DMRT1: variants seen among roughly 807,000 people sequenced by gnomAD.
The protein encoded by DMRT1 is doublesex- and mab-3-related transcription factor 1.
A neutral mutation model predicts 32.3 loss-of-function variants in DMRT1; 7 were observed. The ratio of observed to expected loss-of-function variants is 0.22; its 90% CI spans 0.12 to 0.41. The LOEUF (loss-of-function observed/expected upper bound fraction) is 0.41. Among genes scored for constraint, DMRT1 ranks in the 10% least tolerant of loss-of-function variants. The probability of loss-of-function intolerance (pLI) is 1.00; values close to 1 mark genes in which losing one functional copy is unlikely to be tolerated. For synonymous variants in DMRT1, 278 were observed against 206.1 expected (o/e 1.35, Z -2.99); for missense variants, 625 against 500.5 (o/e 1.25, Z -2.37).
intron 3 of DMRT1, among the ~76,000 whole-genome samples, chr9:909,215 C>T (rs1444983046): frequency 6.6e-6 from 1 of 152,106 alleles, no homozygotes; most frequent in Non-Finnish European, 1.5e-5. Flanking sequence ...CGGGTTTTCG[C>T]TGTGGGAATC....
At chr9:871,753 C>T (rs372455178) in intron 2 of DMRT1, among the ~76,000 whole-genome samples, 22 of 151,306 alleles carry the variant, frequency 1.5e-4, no homozygotes, top group Admixed American at 7.9e-4. Flanking sequence ...GGATTACAGG[C>T]GTGAGCAACC....
At chr9:851,139 C>A (rs1052937524) in intron 2 of DMRT1, among the ~76,000 whole-genome samples, 1 of 151,942 alleles carries the variant, frequency 6.6e-6, no homozygotes. Flanking sequence ...AACCTACCAA[C>A]CTGGCACACC....
intron 2 of DMRT1, among the ~76,000 whole-genome samples, chr9:861,049 T>A (rs56372040): frequency 0.21 from 26,334 of 124,786 alleles, 2,595 homozygotes; most frequent in East Asian, 0.43. Flanking sequence ...TAATTTACTT[T>A]CTTTTTTTTT....
At chr9:863,425 A>G (rs1815818332) in intron 2 of DMRT1, among the ~76,000 whole-genome samples, 1 of 151,916 alleles carries the variant, frequency 6.6e-6, no homozygotes, top group Non-Finnish European at 1.5e-5. Flanking sequence ...GGCTTGACAG[A>G]GACTTGACCT....
intron 4 of DMRT1, among the ~76,000 whole-genome samples, chr9:959,188 C>G (rs527925896): frequency 2.0e-5 from 3 of 151,876 alleles, no homozygotes; most frequent in Non-Finnish European, 2.9e-5. Context: ...CCCAGCCTGC[C>G]TTCGTTACTG....
rs561870089 is a variant in DMRT1 at position 849,229 on chromosome 9, C to A, written c.538+2086C>A. 6.6e-5 allele frequency among the ~76,000 whole-genome samples: 10 copies of A among 152,280 alleles called. No individual in the cohort carries two copies. In the South Asian group the frequency reaches 2.1e-3, roughly 32 times the overall value. ...CTGGTTCCAAAACCTATGGATTTCC[C>A]ATTCTACTTAACTGGGACCAGTTGC... is the stretch of plus-strand genomic sequence containing the variant. On this transcript the variant is annotated intron_variant, in intron 2 of 4. Coordinates refer to ENST00000382276, the MANE Select transcript of DMRT1 (RefSeq NM_021951.3).
intron 4 of DMRT1, among the ~76,000 whole-genome samples, chr9:954,493 T>C (rs1325366744): frequency 2.0e-5 from 3 of 152,048 alleles, no homozygotes; most frequent in African/African-American, 7.2e-5. Context: ...GGTGGAGTAG[T>C]CTTAAGCTTC....
At chr9:889,664 A>AT (rs769968161) in intron 2 of DMRT1, among the ~76,000 whole-genome samples, 30 of 152,210 alleles carry the variant, frequency 2.0e-4, no homozygotes, top group Non-Finnish European at 3.8e-4. Flanking sequence ...GCCTGATAAA[A>AT]GGTTCAGATT....
chr9:842,376 A>T, intron 1 of DMRT1, 184 bp downstream of exon 1: 1 of 733,820 alleles, frequency 1.4e-6, no homozygotes, highest in East Asian at 2.7e-5. Flanking sequence ...CTGGGACTAC[A>T]GGCGCACACC....
In DMRT1 at chr9:917,495, C is replaced by G. The variant is rs1304275976; in HGVS notation, c.967+588C>G. Among the ~76,000 whole-genome samples, 3 of 152,306 alleles carry G rather than the reference C, an allele frequency of 2.0e-5. No homozygotes were observed. The East Asian group carries it at 5.8e-4, about 29-fold the overall frequency. ...ATTTTAACATCCCCCAGCATTTTCA[C>G]TGTGGTGAGAGGCAGGTCTTTACAG... On this transcript the variant is annotated intron_variant, in intron 4 of 4. Transcript: ENST00000382276.
chr9:921,113 T>C (rs1818338975), intron 4 of DMRT1, among the ~76,000 whole-genome samples: 1 of 152,142 alleles, frequency 6.6e-6, no homozygotes. Flanking sequence ...CCGTCACCTC[T>C]ATCTGATTGC....
At chr9:883,593 C>A (rs1816814927) in intron 2 of DMRT1, among the ~76,000 whole-genome samples, 1 of 151,348 alleles carries the variant, frequency 6.6e-6, no homozygotes, top group African/African-American at 2.4e-5. Flanking sequence ...GAATTTGAGA[C>A]CAGCCTGGGC....
chr9:851,282 A>T (rs1014395182), intron 2 of DMRT1, among the ~76,000 whole-genome samples: 1 of 152,052 alleles, frequency 6.6e-6, no homozygotes, highest in African/African-American at 2.4e-5. Flanking sequence ...TCTATCGCCC[A>T]GGCTGGAGTG....
chr9:857,911 A>T (rs954532506), intron 2 of DMRT1, among the ~76,000 whole-genome samples: 2 of 151,424 alleles, frequency 1.3e-5, no homozygotes, highest in Admixed American at 6.6e-5. Context: ...TTTGCTGAGA[A>T]TGATGGTTTC....
chr9:904,678 C>T (rs1356197434), intron 3 of DMRT1, among the ~76,000 whole-genome samples: 2 of 152,200 alleles, frequency 1.3e-5, no homozygotes, highest in Non-Finnish European at 2.9e-5. Flanking sequence ...GGTGCTATGG[C>T]TCACGCCTGT....
chr9:844,219 T>C (rs1589438615), intron 1 of DMRT1, among the ~76,000 whole-genome samples: 1 of 152,234 alleles, frequency 6.6e-6, no homozygotes, highest in Admixed American at 6.5e-5. Flanking sequence ...CAGTATTTTC[T>C]ACACCAGAAG....
At chr9:899,280 CT>C (rs940622077) in intron 3 of DMRT1, among the ~76,000 whole-genome samples, 2 of 151,754 alleles carry the variant, frequency 1.3e-5, no homozygotes, top group African/African-American at 4.8e-5. Context: ...ATCGTCATAA[CT>C]TTTTAAAGCT....
intron 3 of DMRT1, among the ~76,000 whole-genome samples, chr9:898,193 C>T (rs984725339): frequency 6.6e-6 from 1 of 151,610 alleles, no homozygotes; most frequent in Non-Finnish European, 1.5e-5. Context: ...GATCTTGGCT[C>T]ACTGCAACCT....
chr9:859,728 A>G (rs1257668999), intron 2 of DMRT1, among the ~76,000 whole-genome samples: 1 of 152,232 alleles, frequency 6.6e-6, no homozygotes, highest in African/African-American at 2.4e-5. Context: ...CTCATTGTAC[A>G]ATACCACTGA....
Sources: gnomAD v4.1 joint callset for allele counts (sites outside exome capture counted in the v4.1 genomes callset) on GRCh38, gnomAD v4.1.1 for gene constraint, MANE v1.5 for transcripts, NCBI Gene and HGNC (gene_info 2026-07-23, HGNC 2026-07-21) for gene names.